RIMS2: variants seen among roughly 807,000 people sequenced by gnomAD.
RIMS2 encodes regulating synaptic membrane exocytosis protein 2.
RIMS2 carries 59 observed loss-of-function variants against 174.4 expected under a neutral mutation model. The ratio of observed to expected loss-of-function variants is 0.34; its 90% CI spans 0.27 to 0.42. RIMS2 has a LOEUF of 0.42. Ranked by LOEUF, RIMS2 falls within the 10% of genes least tolerant of loss-of-function variation. The pLI is 1.00. For synonymous variants in RIMS2, 606 were observed against 572.5 expected (o/e 1.06, Z -0.84); for missense variants, 1,620 against 1,666.3 (o/e 0.97, Z 0.48).
At chr8:103,615,704 C>A (rs2134383671) in intron 1 of RIMS2, among the ~76,000 whole-genome samples, 1 of 152,138 alleles carries the variant, frequency 6.6e-6, no homozygotes, top group Middle Eastern at 3.4e-3. Context: ...CTACTGACAC[C>A]ACAGAAATAA....
At chr8:103,643,441 A>C (rs1485910836) in intron 1 of RIMS2, among the ~76,000 whole-genome samples, 1 of 151,954 alleles carries the variant, frequency 6.6e-6, no homozygotes, top group African/African-American at 2.4e-5. Flanking sequence ...TTTTCTTGCC[A>C]CTTAGAATGC....
chr8:103,920,412 A>C (rs2077386482), intron 9 of RIMS2, among the ~76,000 whole-genome samples: 1 of 151,576 alleles, frequency 6.6e-6, no homozygotes, highest in African/African-American at 2.4e-5. Flanking sequence ...CAACAACAAC[A>C]AAAAAAACCC....
At chr8:103,869,638 A>AT (rs1385468445) in intron 3 of RIMS2, among the ~76,000 whole-genome samples, 1 of 152,102 alleles carries the variant, frequency 6.6e-6, no homozygotes, top group Non-Finnish European at 1.5e-5. Flanking sequence ...CACGCTTCTA[A>AT]TAAAAAAAAA....
intron 1 of RIMS2, among the ~76,000 whole-genome samples, chr8:103,693,854 C>T (rs1216960742): frequency 6.6e-6 from 1 of 152,126 alleles, no homozygotes; most frequent in Non-Finnish European, 1.5e-5. Flanking sequence ...AACTTGGGTC[C>T]ACAGAGGCTG....
At chr8:103,880,778 C>T (rs956569270) in intron 3 of RIMS2, 39 of 400,486 alleles carry the variant, frequency 9.7e-5, no homozygotes, top group Middle Eastern at 6.3e-4. Context: ...TTGATTTATT[C>T]AAAGCTTTTT....
intron 19 of RIMS2, among the ~76,000 whole-genome samples, chr8:104,074,117 G>A (rs555590830): frequency 6.6e-6 from 1 of 152,302 alleles, no homozygotes; most frequent in East Asian, 1.9e-4. Flanking sequence ...TCAAGGCACA[G>A]GCAATGAGGG....
At chr8:104,060,734 G>A (rs1159628022) in intron 19 of RIMS2, among the ~76,000 whole-genome samples, 2 of 152,138 alleles carry the variant, frequency 1.3e-5, no homozygotes, top group South Asian at 2.1e-4. Flanking sequence ...TCTACACACT[G>A]CTTTGAATGT....
In RIMS2 at chr8:103,847,210, C is replaced by T. The variant is rs1021586555; in HGVS notation, c.699-38088C>T. Among the ~76,000 whole-genome samples, 9 of 152,180 alleles carry T rather than the reference C, an allele frequency of 5.9e-5. No individual in the cohort carries two copies. The East Asian group carries it at 1.7e-3, about 29-fold the overall frequency. ...ACAGATTTCCCAAGTGGATAACTGG[C>T]AGTAATGGTTAGTGGTGCCACTCCT... On this transcript the variant is annotated intron_variant, in intron 3 of 23. Coordinates refer to ENST00000504942, the Ensembl canonical transcript of RIMS2.
intron 3 of RIMS2, among the ~76,000 whole-genome samples, chr8:103,795,500 A>G (rs977550034): frequency 1.3e-5 from 2 of 152,188 alleles, no homozygotes; most frequent in Admixed American, 1.3e-4. Flanking sequence ...TAATGCGTGC[A>G]GCACACCAAC....
At chr8:103,756,394 T>TG (rs377467131) in intron 2 of RIMS2, among the ~76,000 whole-genome samples, 36 of 151,092 alleles carry the variant, frequency 2.4e-4, no homozygotes, top group African/African-American at 8.0e-4. Flanking sequence ...GTTTTTGTTT[T>TG]TTTTTTTTTG....
At chr8:103,703,365 G>A (rs548460508) in intron 2 of RIMS2, among the ~76,000 whole-genome samples, 59 of 152,134 alleles carry the variant, frequency 3.9e-4, no homozygotes, top group Non-Finnish European at 7.9e-4. Context: ...AGCCTTCTGA[G>A]TAGCTGGGAT....
chr8:103,581,432 T>C (rs939831163), intron 1 of RIMS2, among the ~76,000 whole-genome samples: 6 of 152,180 alleles, frequency 3.9e-5, no homozygotes, highest in Admixed American at 1.3e-4. Flanking sequence ...CATCCTTTTA[T>C]GCCAAAGACC....
At chr8:104,074,075 C>T (rs2097246338) in intron 19 of RIMS2, among the ~76,000 whole-genome samples, 1 of 152,190 alleles carries the variant, frequency 6.6e-6, no homozygotes, top group Non-Finnish European at 1.5e-5. Context: ...AAGACATATT[C>T]AGTGCTAACC....
chr8:103,925,635 A>G (rs2078627988), intron 10 of RIMS2, among the ~76,000 whole-genome samples: 1 of 150,782 alleles, frequency 6.6e-6, no homozygotes, highest in African/African-American at 2.4e-5. Flanking sequence ...CAGGTCTCTC[A>G]TGCTTACAAT....
chr8:104,145,887 T>C (rs2098634526), intron 19 of RIMS2, among the ~76,000 whole-genome samples: 2 of 151,358 alleles, frequency 1.3e-5, no homozygotes, highest in East Asian at 1.9e-4. Flanking sequence ...TGGTAGCTTA[T>C]TTGCTTACAA....
intron 3 of RIMS2, among the ~76,000 whole-genome samples, chr8:103,789,734 A>G (rs2098478436): frequency 1.4e-5 from 2 of 139,348 alleles, no homozygotes; most frequent in African/African-American, 2.7e-5. Context: ...AACATATATT[A>G]TGATGGATTG....
intron 19 of RIMS2, among the ~76,000 whole-genome samples, chr8:104,125,504 C>T (rs1315194403): frequency 6.6e-6 from 1 of 152,140 alleles, no homozygotes; most frequent in Non-Finnish European, 1.5e-5. Flanking sequence ...ATCATTGTTA[C>T]TATTCAAACT....
At chr8:104,089,338 CATT>C (rs2097591722) in intron 19 of RIMS2, among the ~76,000 whole-genome samples, 1 of 151,768 alleles carries the variant, frequency 6.6e-6, no homozygotes, top group Non-Finnish European at 1.5e-5. Flanking sequence ...GCTTCTCTCT[CATT>C]GTTGAAGTAT....
At chr8:104,173,228 G>C (rs1374523) in intron 19 of RIMS2, among the ~76,000 whole-genome samples, 122,835 of 152,144 alleles carry the variant, frequency 0.81, 50,066 homozygotes, top group East Asian at 1. Context: ...AAGAAAAATT[G>C]TTTAAAATGA....
Sources: allele counts gnomAD v4.1 joint callset (sites outside exome capture counted in the v4.1 genomes callset), GRCh38; gene constraint gnomAD v4.1.1; transcripts MANE v1.5; gene names NCBI Gene and HGNC (gene_info 2026-07-23, HGNC 2026-07-21).